Variants in EPHA5 observed in about 807,000 individuals in gnomAD.
The protein encoded by EPHA5 is EPH receptor A5.
In EPHA5, 60 loss-of-function variants were observed where a neutral mutation model predicts 105.0. That is an observed-to-expected ratio of 0.57 (90% CI 0.46 to 0.71). The LOEUF is 0.71. Ranked by LOEUF, EPHA5 falls within the 30% of genes least tolerant of loss-of-function variation. The probability of loss-of-function intolerance (pLI) is 0.00; values close to 1 mark genes in which losing one functional copy is unlikely to be tolerated. For missense variants in EPHA5, 1,218 were observed against 1,274.7 expected (o/e 0.96, Z 0.68); for synonymous variants, 513 against 449.1 (o/e 1.14, Z -1.80).
chr4:65,578,003 C>A (rs914008038), intron 3 of EPHA5, among the ~76,000 whole-genome samples: 6 of 152,146 alleles, frequency 3.9e-5, no homozygotes, highest in Non-Finnish European at 8.8e-5. Context: ...TTAATATTTT[C>A]TGAATAAGTG....
intron 11 of EPHA5, among the ~76,000 whole-genome samples, chr4:65,364,449 T>C (rs1365719949): frequency 6.6e-6 from 1 of 151,724 alleles, no homozygotes; most frequent in Non-Finnish European, 1.5e-5. Flanking sequence ...TTAAAAGAGA[T>C]GTAAAATTCT....
At chr4:65,351,639 T>C (rs771939330) in intron 12 of EPHA5, 41 bp from the exon 13 acceptor site, 1 of 1,569,820 alleles carries the variant, frequency 6.4e-7, no homozygotes. Flanking sequence ...GCAACACCAA[T>C]CACTGGGGGA....
intron 3 of EPHA5, among the ~76,000 whole-genome samples, chr4:65,523,803 A>G (rs1332956074): frequency 2.6e-5 from 4 of 151,956 alleles, no homozygotes; most frequent in Non-Finnish European, 4.4e-5. Context: ...ATTTGAATAC[A>G]TAGGATGCCT....
intron 6 of EPHA5, among the ~76,000 whole-genome samples, chr4:65,416,738 T>C (rs1723422100): frequency 6.6e-6 from 1 of 152,202 alleles, no homozygotes; most frequent in South Asian, 2.1e-4. Context: ...AGTTTAATTG[T>C]ACATTGGCTC....
chr4:65,478,375 T>C lies in EPHA5; in HGVS notation c.1402+12002A>G, dbSNP rs62298059. 8.5e-5 allele frequency among the ~76,000 whole-genome samples: 13 copies of C among 152,200 alleles called. No individual in the cohort carries two copies. The East Asian group carries it at 2.3e-3, about 27-fold the overall frequency. ...CATTAAAATGATAAGTTAACAAAAT[T>C]TGTACATTTTCAGTTTATGTTTTGA... is the stretch of plus-strand genomic sequence containing the variant. On this transcript the variant is annotated intron_variant, in intron 5 of 16. Coordinates refer to ENST00000613740, the MANE Select transcript of EPHA5 (RefSeq NM_001281766.3).
chr4:65,514,904 C>T (rs1733956546), intron 3 of EPHA5, among the ~76,000 whole-genome samples: 1 of 152,098 alleles, frequency 6.6e-6, no homozygotes, highest in South Asian at 2.1e-4. Context: ...CTCCAATAAT[C>T]ATCCTATCCC....
chr4:65,482,260 C>T (rs60884251), intron 5 of EPHA5, among the ~76,000 whole-genome samples: 14,528 of 149,396 alleles, frequency 0.097, 804 homozygotes, highest in East Asian at 0.18. Context: ...ATCTTGCCAT[C>T]GCACTCCAGC....
At chr4:65,630,480 G>A (rs1481275692) in intron 2 of EPHA5, among the ~76,000 whole-genome samples, 2 of 152,094 alleles carry the variant, frequency 1.3e-5, no homozygotes, top group Non-Finnish European at 2.9e-5. Flanking sequence ...AGGGGAGAAG[G>A]GATTCAAGAC....
Position 65,320,643 on chromosome 4 carries a change from T to C in EPHA5, c.*3471A>G, listed in dbSNP as rs1319455098. 4.4e-6 allele frequency: 1 copy of C among 229,778 alleles called. No homozygotes were observed. The highest frequency in any genetic ancestry group is 8.6e-6 in the Non-Finnish European group (1 of 115,890). The allele number at this position is 229,778 out of a possible 1,614,324, so 14.2% of individuals were successfully genotyped here. A position where few individuals can be genotyped will look rare whatever the true frequency, so the allele number is the denominator to read the frequency against. ...CCACTTTACATGGCATAAATAATGG[T>C]GTTAAAAATATTTTACTTTCACATA... On this transcript the variant is annotated 3_prime_UTR_variant, in exon 17 of 17. Transcript: ENST00000613740.
At chr4:65,347,282 G>A (rs773375945) in intron 14 of EPHA5, among the ~76,000 whole-genome samples, 3 of 152,176 alleles carry the variant, frequency 2.0e-5, no homozygotes, top group African/African-American at 7.2e-5. Flanking sequence ...TTAAAATAGT[G>A]TATGTCTCAT....
intron 2 of EPHA5, among the ~76,000 whole-genome samples, chr4:65,607,846 G>T (rs892173415): frequency 1.3e-5 from 2 of 152,138 alleles, no homozygotes; most frequent in Non-Finnish European, 2.9e-5. Context: ...ATATCCAAAG[G>T]ATTCTAAATC....
In EPHA5 at chr4:65,477,061, C is replaced by T. The variant is rs536252202; in HGVS notation, c.1402+13316G>A. ...CATTTATGAACTATTTTAACAATCA[C>T]GAGTGGTAAGAACTGTTGTGCTCCT... On this transcript the variant is annotated intron_variant, in intron 5 of 16. Coordinates refer to ENST00000613740, the MANE Select transcript of EPHA5 (RefSeq NM_001281766.3). Among the ~76,000 whole-genome samples the T allele has an allele frequency of 6.6e-5, 10 of 152,190 alleles. No individual in the cohort carries two copies. In the South Asian group the frequency reaches 1.7e-3, roughly 25 times the overall value.
chr4:65,585,313 A>G (rs1444193345), intron 3 of EPHA5, among the ~76,000 whole-genome samples: 1 of 151,930 alleles, frequency 6.6e-6, no homozygotes, highest in Non-Finnish European at 1.5e-5. Flanking sequence ...AATCAAAACA[A>G]CACAAAGTAA....
intron 14 of EPHA5, 60 bp downstream of exon 14, chr4:65,347,994 C>A (rs2148840964): frequency 6.9e-7 from 1 of 1,450,914 alleles, no homozygotes; most frequent in Non-Finnish European, 9.2e-7. Context: ...AACATTGTGT[C>A]TTGACTCAGA....
In EPHA5 at chr4:65,331,871, T is replaced by C. The variant is rs548944756; in HGVS notation, c.2945+102A>G. On this transcript the variant is annotated intron_variant, in intron 16 of 16. Transcript: ENST00000613740. The stretch of plus-strand genomic sequence containing the variant: ...AGGCTTCTTTGAGAGCTGCCACACA[T>C]CCGCAAAGGTTAACTGATTTCCCTT... 7.6e-5 allele frequency: 111 copies of C among 1,464,050 alleles called. 1 individual carries two copies. The South Asian group carries it at 1.6e-3, about 21-fold the overall frequency. 90.7% of individuals were successfully genotyped at this position (1,464,050 alleles called of 1,614,324 possible).
rs1270184020 is a variant in EPHA5 at position 65,348,681 on chromosome 4, TATATATATATATATATAA to T, written c.2446-496_2446-479del. On this transcript the variant is annotated intron_variant, in intron 13 of 16. Transcript: ENST00000613740. ...GGAGATATATATATATATATATATA[TATATATATATATATATAA>T]AATATATATGTGTGTGTATATATAT... is the stretch of plus-strand genomic sequence containing the variant. 2.2e-3 allele frequency among the ~76,000 whole-genome samples: 181 copies of T among 80,654 alleles called. 3 individuals carry two copies. Among genetic ancestry groups the T allele is most frequent in the African/African-American group, 6.6e-3 (157 of 23,850 alleles). The allele number at this position is 80,654 out of a possible 152,430, so 52.9% of individuals were successfully genotyped here.
chr4:65,511,745 T>TAA (rs1223267370), intron 3 of EPHA5, among the ~76,000 whole-genome samples: 10 of 152,226 alleles, frequency 6.6e-5, no homozygotes, highest in African/African-American at 2.4e-4. Context: ...TATTTTAATT[T>TAA]CATAGAACAT....
chr4:65,375,786 T>TAC (rs72454890), intron 8 of EPHA5, among the ~76,000 whole-genome samples: 9,465 of 132,430 alleles, frequency 0.071, 363 homozygotes, highest in East Asian at 0.22. Flanking sequence ...CACACACACA[T>TAC]ACACACACAC....
At chr4:65,378,770 C>T (rs1337617167) in intron 8 of EPHA5, among the ~76,000 whole-genome samples, 2 of 149,480 alleles carry the variant, frequency 1.3e-5, no homozygotes, top group Non-Finnish European at 1.5e-5. Context: ...CTCTTGTTTG[C>T]TTGTTTTCTT....
Sources: gnomAD v4.1 joint callset for allele counts (sites outside exome capture counted in the v4.1 genomes callset) on GRCh38, gnomAD v4.1.1 for gene constraint, MANE v1.5 for transcripts, NCBI Gene and HGNC (gene_info 2026-07-23, HGNC 2026-07-21) for gene names.